PRKG1: variants seen among roughly 807,000 people sequenced by gnomAD.
PRKG1 encodes protein kinase cGMP-dependent 1, also known as cGMP-dependent protein kinase 1.
PRKG1 carries 35 observed loss-of-function variants against 88.1 expected under a neutral mutation model. That is an observed-to-expected ratio of 0.40 (90% CI 0.30 to 0.53). The LOEUF is 0.53. PRKG1 is among the 20% of genes least tolerant of loss of function. The probability of loss-of-function intolerance (pLI) is 0.59; values close to 1 mark genes in which losing one functional copy is unlikely to be tolerated. For missense variants in PRKG1, 540 were observed against 839.8 expected, an observed-to-expected ratio of 0.64 and a Z score of 4.41; for synonymous variants, 303 against 292.5, an observed-to-expected ratio of 1.04 and a Z score of -0.37.
At chr10:51,373,223 T>G (rs894014832) in intron 2 of PRKG1, among the ~76,000 whole-genome samples, 8 of 152,176 alleles carry the variant, frequency 5.3e-5, no homozygotes, top group Non-Finnish European at 8.8e-5. Context: ...TATAACAAAT[T>G]TTCACAAACT....
intron 3 of PRKG1, among the ~76,000 whole-genome samples, chr10:51,653,051 T>C (rs1452010852): frequency 2.6e-5 from 4 of 152,218 alleles, no homozygotes; most frequent in African/African-American, 7.2e-5. Context: ...GATTTCCCCT[T>C]TATTAAAACC....
At chr10:51,095,321 A>G (rs2093951301) in intron 1 of PRKG1, among the ~76,000 whole-genome samples, 2 of 152,070 alleles carry the variant, frequency 1.3e-5, no homozygotes, top group Admixed American at 6.6e-5. Context: ...TCTCTTCTAT[A>G]TGAGCTCCCA....
At chr10:51,160,392 T>C (rs948772627) in intron 2 of PRKG1, among the ~76,000 whole-genome samples, 4 of 152,208 alleles carry the variant, frequency 2.6e-5, no homozygotes, top group African/African-American at 9.6e-5. Context: ...GTTTAAACAG[T>C]GTTAACGGTG....
intron 4 of PRKG1, among the ~76,000 whole-genome samples, chr10:51,879,551 CTTTT>C: frequency 6.6e-6 from 1 of 152,268 alleles, no homozygotes; most frequent in East Asian, 1.9e-4. Context: ...CTGAGGTTTT[CTTTT>C]TTACTCAAGT....
intron 7 of PRKG1, among the ~76,000 whole-genome samples, chr10:52,130,309 C>T (rs1345482719): frequency 1.3e-5 from 2 of 152,120 alleles, no homozygotes; most frequent in East Asian, 3.9e-4. Flanking sequence ...GATATTTTCC[C>T]CAATCTACAT....
chr10:51,133,357 A>C (rs1388473462), intron 1 of PRKG1, among the ~76,000 whole-genome samples: 1 of 152,170 alleles, frequency 6.6e-6, no homozygotes, highest in Non-Finnish European at 1.5e-5. Flanking sequence ...CACTGCTCTT[A>C]CAATTTGATG....
At chr10:52,144,204 G>A (rs1837664689) in intron 8 of PRKG1, among the ~76,000 whole-genome samples, 1 of 152,114 alleles carries the variant, frequency 6.6e-6, no homozygotes, top group South Asian at 2.1e-4. Context: ...AGTAATAAGG[G>A]GAGTGTGGCA....
At chr10:51,778,893 G>T (rs545284463) in intron 3 of PRKG1, among the ~76,000 whole-genome samples, 3 of 152,078 alleles carry the variant, frequency 2.0e-5, no homozygotes, top group Non-Finnish European at 4.4e-5. Flanking sequence ...AAAGCCAAAA[G>T]CTGTTCTACT....
At chr10:51,626,918 C>T (rs1044762674) in intron 3 of PRKG1, among the ~76,000 whole-genome samples, 1 of 152,004 alleles carries the variant, frequency 6.6e-6, no homozygotes, top group African/African-American at 2.4e-5. Context: ...GTTCATTATT[C>T]ATTAGTTCAT....
intron 3 of PRKG1, among the ~76,000 whole-genome samples, chr10:51,701,956 G>A (rs767408949): frequency 6.6e-6 from 1 of 152,156 alleles, no homozygotes; most frequent in Non-Finnish European, 1.5e-5. Flanking sequence ...TGCTGATGCT[G>A]CTGGTTTGGA....
At chr10:51,868,467 G>T (rs1034567970) in intron 4 of PRKG1, among the ~76,000 whole-genome samples, 1 of 152,046 alleles carries the variant, frequency 6.6e-6, no homozygotes, top group African/African-American at 2.4e-5. Context: ...AATATATTAA[G>T]AATAAATATT....
At chr10:51,929,888 G>A (rs1198287898) in intron 5 of PRKG1, among the ~76,000 whole-genome samples, 4 of 152,208 alleles carry the variant, frequency 2.6e-5, no homozygotes, top group Middle Eastern at 3.4e-3. Context: ...ACCATGAAAC[G>A]TACTGTGAGG....
intron 3 of PRKG1, among the ~76,000 whole-genome samples, chr10:51,730,717 C>T (rs1293643923): frequency 2.0e-5 from 3 of 152,108 alleles, no homozygotes; most frequent in South Asian, 2.1e-4. Flanking sequence ...CCAGTTTGGA[C>T]GAAGATAAAG....
Position 50,991,819 on chromosome 10 carries a change from C to T in PRKG1, c.266+175C>T, listed in dbSNP as rs1187467815. Among the ~76,000 whole-genome samples, 1 of 152,046 alleles carries T rather than the reference C, an allele frequency of 6.6e-6. No individual in the cohort carries two copies. The highest frequency in any genetic ancestry group is 2.4e-5 in the African/African-American group (1 of 41,434). On this transcript the variant is annotated intron_variant, in intron 1 of 17. Transcript: ENST00000401604. The surrounding 1 kb of genome is among the most constrained non-coding windows in gnomAD (Gnocchi z 4.5). The stretch of plus-strand genomic sequence containing the variant: ...TGGGAAGTGTTTATTTTTATTTCTG[C>T]CCATCACGTGCTGTGCTTGTCTCCG...
At chr10:51,676,715 T>C (rs980127507) in intron 3 of PRKG1, among the ~76,000 whole-genome samples, 1 of 152,204 alleles carries the variant, frequency 6.6e-6, no homozygotes, top group Non-Finnish European at 1.5e-5. Context: ...TTGTTTTCCA[T>C]GGTCACAAAT....
chr10:51,334,968 A>G (rs1360275413), intron 2 of PRKG1, among the ~76,000 whole-genome samples: 1 of 144,364 alleles, frequency 6.9e-6, no homozygotes, highest in Non-Finnish European at 1.5e-5. Context: ...GAGTGCCTTG[A>G]TTAAGCAAAA....
At chr10:51,807,375 G>T (rs928970283) in intron 4 of PRKG1, among the ~76,000 whole-genome samples, 13 of 152,110 alleles carry the variant, frequency 8.5e-5, no homozygotes, top group African/African-American at 2.9e-4. Flanking sequence ...GGGGTGGAAA[G>T]GGTACCATCC....
intron 2 of PRKG1, among the ~76,000 whole-genome samples, chr10:51,373,475 T>C (rs952169998): frequency 1.3e-5 from 2 of 152,190 alleles, no homozygotes; most frequent in African/African-American, 4.8e-5. Context: ...ATGTGCGGGA[T>C]GTGCAGGTTT....
intron 2 of PRKG1, among the ~76,000 whole-genome samples, chr10:51,458,320 G>T (rs1839648169): frequency 6.6e-6 from 1 of 152,084 alleles, no homozygotes; most frequent in Non-Finnish European, 1.5e-5. Context: ...GATGTTACAT[G>T]AAATGAAATT....
Sources: allele counts gnomAD v4.1 joint callset (sites outside exome capture counted in the v4.1 genomes callset), GRCh38; gene constraint gnomAD v4.1.1; non-coding constraint Gnocchi (gnomAD v3.1); transcripts MANE v1.5; gene names NCBI Gene and HGNC (gene_info 2026-07-23, HGNC 2026-07-21).